MYBL1: variants seen among roughly 807,000 people sequenced by gnomAD.
MYBL1 encodes the protein MYB proto-oncogene like 1.
A neutral mutation model predicts 96.3 loss-of-function variants in MYBL1; 17 were observed. The observed-to-expected ratio is 0.18, with a 90% CI of 0.12 to 0.26. The LOEUF is 0.26. MYBL1 is among the 10% of genes least tolerant of loss of function. The pLI is 1.00. For missense variants in MYBL1, 701 were observed against 882.9 expected, an observed-to-expected ratio of 0.79 and a Z score of 2.61; for synonymous variants, 282 against 292.7, an observed-to-expected ratio of 0.96 and a Z score of 0.37.
chr8:66,566,383 T>C, intron 14 of MYBL1, 140 bp from the exon 15 acceptor site: 3 of 544,400 alleles, frequency 5.5e-6, no homozygotes, highest in Admixed American at 3.8e-5. Context: ...TCTAGTAATG[T>C]AGTAATATTA....
At chr8:66,575,511 C>A (rs916848287) in intron 10 of MYBL1, among the ~76,000 whole-genome samples, 9 of 152,160 alleles carry the variant, frequency 5.9e-5, no homozygotes, top group Non-Finnish European at 8.8e-5. Context: ...TCATGTAGAA[C>A]CGGGAGCAGT....
At chr8:66,597,223 T>C in intron 5 of MYBL1, 107 bp downstream of exon 5, 1 of 811,230 alleles carries the variant, frequency 1.2e-6, no homozygotes, top group Admixed American at 3.5e-5. Context: ...ACATTTTAAT[T>C]ACAAATTTAA....
intron 9 of MYBL1, among the ~76,000 whole-genome samples, chr8:66,579,086 G>C (rs1192003854): frequency 6.6e-6 from 1 of 151,796 alleles, no homozygotes; most frequent in Non-Finnish European, 1.5e-5. Flanking sequence ...GTTGTGGGAT[G>C]GGGGGAGTGG....
chr8:66,587,533 T>A (rs1809469198), intron 8 of MYBL1, among the ~76,000 whole-genome samples: 1 of 152,198 alleles, frequency 6.6e-6, no homozygotes, highest in Non-Finnish European at 1.5e-5. Flanking sequence ...AGTTTTCTAG[T>A]GTTTTATAAT....
intron 10 of MYBL1, among the ~76,000 whole-genome samples, chr8:66,575,478 C>T (rs1337733108): frequency 6.6e-6 from 1 of 151,962 alleles, no homozygotes; most frequent in Admixed American, 6.6e-5. Context: ...AGAAAATGTC[C>T]CTCTAAAAAC....
At chr8:66,603,139 C>T (rs1440893908) in intron 1 of MYBL1, among the ~76,000 whole-genome samples, 1 of 151,974 alleles carries the variant, frequency 6.6e-6, no homozygotes, top group Non-Finnish European at 1.5e-5. Flanking sequence ...AGGAATTTGA[C>T]CTTTATTCTT....
chr8:66,583,318 A>G lies in MYBL1; in HGVS notation c.868-2952T>C. Among the ~76,000 whole-genome samples, 2 of 152,144 alleles carry G rather than the reference A, an allele frequency of 1.3e-5. 1 individual carries two copies. The highest frequency in any genetic ancestry group is 2.9e-5 in the Non-Finnish European group (2 of 68,016). ...GAAAAGTAGAAACAAACATACCAACACCTATGGGATACAGCAAAAGCAGTA... is the reference window on the plus strand; with the variant it reads ...GAAAAGTAGAAACAAACATACCAACGCCTATGGGATACAGCAAAAGCAGTA... On this transcript the variant is annotated intron_variant, in intron 8 of 15. Coordinates refer to ENST00000522677, the MANE Select transcript of MYBL1 (RefSeq NM_001080416.4).
intron 8 of MYBL1, among the ~76,000 whole-genome samples, chr8:66,581,177 T>C (rs1809196871): frequency 6.6e-6 from 1 of 152,212 alleles, no homozygotes. Flanking sequence ...TTCATCTGAT[T>C]ATACACTTTT....
At position 66,566,126 on chromosome 8, in the gene MYBL1, G is replaced by A; in HGVS notation, c.2068C>T (p.Leu690Phe). Residue 690 changes from leucine (L) to phenylalanine (F), a missense_variant, in exon 15 of 16, where the codon CTT (leucine) becomes TTT (phenylalanine). Physicochemically the swap from Leu to Phe is conservative, Grantham distance 22. Around this residue, in one of 5 missense-constraint regions of MYBL1, gnomAD observed 137 missense variants for 137.5 expected, o/e 1.00. Coordinates refer to ENST00000522677, the MANE Select transcript of MYBL1 (RefSeq NM_001080416.4). Reference protein sequence around the residue: ...DINSTNKTYTLTKKKPNPNTS... With the variant: ...DINSTNKTYTFTKKKPNPNTS... ...TTAGGGTTTGGTTTCTTTTTAGTAA[G>A]TGTATATGTTTTGTTGGTTGAATTT... 1 of 1,545,686 alleles carries A rather than the reference G, an allele frequency of 6.5e-7. No homozygotes were observed. Among genetic ancestry groups the A allele is most frequent in the African/African-American group, 1.4e-5 (1 of 73,152 alleles).
Position 66,564,410 on chromosome 8 carries a change from T to C in MYBL1, c.*287A>G, listed in dbSNP as rs1220062396. The stretch of plus-strand genomic sequence containing the variant: ...CAACATATATCTTGTGAAGAAAATA[T>C]ATGAGAATTTACTTTTAGAAATCCA... On this transcript the variant is annotated 3_prime_UTR_variant, in exon 16 of 16. Transcript: ENST00000522677. The C allele has an allele frequency of 1.5e-5, 3 of 197,092 alleles. No homozygotes were observed. The highest frequency in any genetic ancestry group is 5.8e-5 in the Admixed American group (1 of 17,170). The allele number at this position is 197,092 out of a possible 1,614,324, so 12.2% of individuals were successfully genotyped here.
Position 66,589,777 on chromosome 8 carries a change from C to T in MYBL1, c.867+2663G>A, listed in dbSNP as rs541803192. The stretch of plus-strand genomic sequence containing the variant: ...GAGATTACAGGCATGAGCCACCAAG[C>T]CCAGTCTATTTGTAGCTTCTTAACA... On this transcript the variant is annotated intron_variant, in intron 8 of 15. Transcript: ENST00000522677. Among the ~76,000 whole-genome samples, 18 of 152,324 alleles carry T rather than the reference C, an allele frequency of 1.2e-4. No homozygotes were observed. The South Asian group carries it at 2.7e-3, about 23-fold the overall frequency.
chr8:66,599,216 A>C, intron 3 of MYBL1, 74 bp from the exon 4 acceptor site: 8 of 918,056 alleles, frequency 8.7e-6, no homozygotes, highest in Non-Finnish European at 1.1e-5. Context: ...TTTATGTCTC[A>C]CATCCTTAGA....
chr8:66,598,385 G>C (rs568264996), intron 4 of MYBL1, among the ~76,000 whole-genome samples: 1 of 152,168 alleles, frequency 6.6e-6, no homozygotes, highest in Non-Finnish European at 1.5e-5. Flanking sequence ...GCAACATAGC[G>C]AGATTCCATC....
intron 6 of MYBL1, among the ~76,000 whole-genome samples, chr8:66,593,593 G>C (rs941968673): frequency 6.6e-6 from 1 of 152,170 alleles, no homozygotes; most frequent in Non-Finnish European, 1.5e-5. Context: ...CACAAGGACA[G>C]AGACCTGAAG....
At chr8:66,606,973 C>T (rs985469052) in intron 1 of MYBL1, among the ~76,000 whole-genome samples, 5 of 151,844 alleles carry the variant, frequency 3.3e-5, no homozygotes, top group Non-Finnish European at 5.9e-5. Flanking sequence ...GAATTTTTTT[C>T]GTAGAGACGG....
chr8:66,610,162 T>C (rs1810473779), intron 1 of MYBL1, among the ~76,000 whole-genome samples: 1 of 152,042 alleles, frequency 6.6e-6, no homozygotes, highest in African/African-American at 2.4e-5. Flanking sequence ...ATTACGTATA[T>C]ATAAATATGC....
chr8:66,611,513 A>G (rs1265231384), intron 1 of MYBL1, among the ~76,000 whole-genome samples: 1 of 152,190 alleles, frequency 6.6e-6, no homozygotes, highest in Non-Finnish European at 1.5e-5. Flanking sequence ...GACTGAGGGA[A>G]GTGGAGTGTT....
At chr8:66,588,985 A>C (rs1809529007) in intron 8 of MYBL1, among the ~76,000 whole-genome samples, 1 of 152,168 alleles carries the variant, frequency 6.6e-6, no homozygotes, top group Non-Finnish European at 1.5e-5. Flanking sequence ...ACGCTACTGC[A>C]CTCCAGCCGG....
chr8:66,601,665 C>A, intron 3 of MYBL1, 33 bp downstream of exon 3: 1 of 1,225,990 alleles, frequency 8.2e-7, no homozygotes, highest in Admixed American at 2.3e-5. Flanking sequence ...TTAAACCAGC[C>A]ATGTTAGAAA....
Sources: gnomAD v4.1 joint callset for allele counts (sites outside exome capture counted in the v4.1 genomes callset) on GRCh38, gnomAD v4.1.1 for gene constraint, gnomAD v4.1.1 regional missense constraint, MANE v1.5 for transcripts, NCBI Gene and HGNC (gene_info 2026-07-23, HGNC 2026-07-21) for gene names.